CAST: variants seen among roughly 807,000 people sequenced by gnomAD.
CAST encodes the protein calpastatin, also known as MIR583 host.
CAST carries 76 observed loss-of-function variants against 119.6 expected under a neutral mutation model. The observed-to-expected ratio is 0.64, with a 90% CI of 0.53 to 0.77. CAST has a LOEUF of 0.77. Ranked by LOEUF, CAST falls within the 30% of genes least tolerant of loss-of-function variation. CAST has a pLI of 0.00. For synonymous variants in CAST, 319 were observed against 331.6 expected, an observed-to-expected ratio of 0.96 and a Z score of 0.41; for missense variants, 953 against 946.5, an observed-to-expected ratio of 1.01 and a Z score of -0.09.
the CAST span, among the ~76,000 whole-genome samples, chr5:96,140,583 G>A: frequency 6.6e-6 from 1 of 152,204 alleles, no homozygotes; most frequent in African/African-American, 2.4e-5. Flanking sequence ...GCCACACACA[G>A]CTATGGCCTT....
the CAST span, among the ~76,000 whole-genome samples, chr5:96,012,097 C>T: frequency 5.7e-4 from 86 of 152,114 alleles, no homozygotes; most frequent in Middle Eastern, 6.8e-3. Context: ...GTAATATACA[C>T]GGTTACTATT....
intron 1 of CAST, among the ~76,000 whole-genome samples, chr5:96,617,250 C>T (rs1191659030): frequency 2.0e-5 from 3 of 152,060 alleles, no homozygotes; most frequent in Non-Finnish European, 2.9e-5. Context: ...ACACACACAA[C>T]AGGGCACACA....
At chr5:96,460,123 A>G in the CAST span, among the ~76,000 whole-genome samples, 1 of 152,158 alleles carries the variant, frequency 6.6e-6, no homozygotes, top group African/African-American at 2.4e-5. Flanking sequence ...GAAGTAGAAG[A>G]GGCTTTGATC....
the CAST span, among the ~76,000 whole-genome samples, chr5:96,388,001 A>C: frequency 6.6e-6 from 1 of 152,216 alleles, no homozygotes; most frequent in African/African-American, 2.4e-5. Context: ...GTCCCTGTTC[A>C]GATACATATT....
At chr5:95,986,628 C>T in the CAST span, among the ~76,000 whole-genome samples, 2 of 152,130 alleles carry the variant, frequency 1.3e-5, no homozygotes, top group East Asian at 1.9e-4. Context: ...GGCTTTTCAG[C>T]TGCTGAAACA....
chr5:96,558,900 A>G (rs1215243330), intron 1 of CAST, among the ~76,000 whole-genome samples: 2 of 151,816 alleles, frequency 1.3e-5, no homozygotes, highest in South Asian at 2.1e-4. Context: ...CAGAGACACA[A>G]CAAAAAAAGA....
the CAST span, among the ~76,000 whole-genome samples, chr5:96,275,500 T>A: frequency 6.6e-6 from 1 of 152,238 alleles, no homozygotes; most frequent in Non-Finnish European, 1.5e-5. Flanking sequence ...AAAGGATGGA[T>A]ATTAAATTAT....
At chr5:96,607,002 T>C (rs980865581) in intron 1 of CAST, among the ~76,000 whole-genome samples, 1 of 152,184 alleles carries the variant, frequency 6.6e-6, no homozygotes, top group Admixed American at 6.5e-5. Context: ...TAAGAACCAC[T>C]ATATTGGCGG....
the CAST span, among the ~76,000 whole-genome samples, chr5:96,225,619 AC>A: frequency 6.6e-6 from 1 of 152,174 alleles, no homozygotes; most frequent in East Asian, 1.9e-4. Flanking sequence ...GTTATCTTAT[AC>A]CCACCTTACT....
chr5:96,103,667 G>A, the CAST span, among the ~76,000 whole-genome samples: 42 of 151,806 alleles, frequency 2.8e-4, no homozygotes, highest in African/African-American at 9.7e-4. Flanking sequence ...ACATACGTGT[G>A]CATGTGTCTT....
intron 2 of CAST, among the ~76,000 whole-genome samples, chr5:96,690,680 T>C (rs1752629402): frequency 6.6e-6 from 1 of 152,278 alleles, no homozygotes; most frequent in African/African-American, 2.4e-5. Flanking sequence ...AAGCAATTTG[T>C]ACTTATTTGG....
intron 3 of CAST, among the ~76,000 whole-genome samples, chr5:96,719,958 A>G (rs1414535561): frequency 6.6e-6 from 1 of 152,228 alleles, no homozygotes; most frequent in Non-Finnish European, 1.5e-5. Context: ...CTGAACTGCT[A>G]TGGTTCCCTC....
the CAST span, among the ~76,000 whole-genome samples, chr5:96,464,555 G>T: frequency 6.7e-3 from 1,014 of 152,150 alleles, 5 homozygotes; most frequent in Non-Finnish European, 0.011. Context: ...AAATACCACT[G>T]AGTAAATTGC....
chr5:96,509,795 G>A, the CAST span, among the ~76,000 whole-genome samples: 1 of 152,162 alleles, frequency 6.6e-6, no homozygotes, highest in East Asian at 1.9e-4. Flanking sequence ...AAATTTCTCT[G>A]TATGTATTTG....
At chr5:96,125,756 T>A in the CAST span, among the ~76,000 whole-genome samples, 4 of 152,186 alleles carry the variant, frequency 2.6e-5, no homozygotes, top group Non-Finnish European at 5.9e-5. Context: ...TTTAGCCATC[T>A]GCTCAACTTT....
chr5:96,167,690 T>C, the CAST span, among the ~76,000 whole-genome samples: 91,689 of 151,994 alleles, frequency 0.6, 28,072 homozygotes, highest in African/African-American at 0.67. Context: ...AAGGCCAAAC[T>C]GAGGAATTCT....
chr5:96,504,954 A>G, the CAST span, among the ~76,000 whole-genome samples: 1 of 152,224 alleles, frequency 6.6e-6, no homozygotes, highest in Non-Finnish European at 1.5e-5. Context: ...TTTAATAGTC[A>G]GCTACCAGTG....
chr5:96,154,978 G>A, the CAST span, among the ~76,000 whole-genome samples: 2,427 of 152,296 alleles, frequency 0.016, 51 homozygotes, highest in African/African-American at 0.055. Flanking sequence ...GCAGTGGGGA[G>A]CTATTTTCAC....
intron 9 of CAST, 63 bp from the exon 10 acceptor site, chr5:96,736,109 T>G (rs1761582167): frequency 1.0e-6 from 1 of 977,516 alleles, no homozygotes; most frequent in African/African-American, 1.7e-5. Flanking sequence ...ATTTTAAAAT[T>G]TGTAATAGTA....
Sources: allele counts gnomAD v4.1 joint callset (sites outside exome capture counted in the v4.1 genomes callset), GRCh38; gene constraint gnomAD v4.1.1; transcripts MANE v1.5; gene names NCBI Gene and HGNC (gene_info 2026-07-23, HGNC 2026-07-21).